Variants in PTPRD observed in about 807,000 individuals in gnomAD.
The protein encoded by PTPRD is protein tyrosine phosphatase receptor type D.
Under a neutral mutation model 214.5 loss-of-function variants are expected in PTPRD, and 34 were observed. That is an observed-to-expected ratio of 0.16 (90% confidence interval 0.12 to 0.21). The LOEUF is 0.21. Ranked by LOEUF, PTPRD falls within the 10% of genes least tolerant of loss-of-function variation. The pLI is 1.00. For missense variants in PTPRD, 2,545 were observed against 2,398.7 expected, an observed-to-expected ratio of 1.06 and a Z score of -1.27; for synonymous variants, 1,128 against 845.7, an observed-to-expected ratio of 1.33 and a Z score of -5.79.
At chr9:9,972,323 A>C (rs557142944) in intron 4 of PTPRD, among the ~76,000 whole-genome samples, 2 of 152,100 alleles carry the variant, frequency 1.3e-5, no homozygotes, top group Non-Finnish European at 2.9e-5. Flanking sequence ...TGCTCTTCTC[A>C]AGAGGAATCA....
chr9:9,971,531 G>T (rs1026088237), intron 4 of PTPRD, among the ~76,000 whole-genome samples: 2 of 152,156 alleles, frequency 1.3e-5, no homozygotes, highest in African/African-American at 4.8e-5. Flanking sequence ...CAACTCTGAG[G>T]AATTCAGGCT....
intron 10 of PTPRD, among the ~76,000 whole-genome samples, chr9:9,177,730 C>G (rs922972693): frequency 6.6e-6 from 1 of 151,944 alleles, no homozygotes; most frequent in Non-Finnish European, 1.5e-5. Flanking sequence ...GTAAACAAAT[C>G]AATTTAAAAA....
intron 8 of PTPRD, among the ~76,000 whole-genome samples, chr9:9,404,385 G>T (rs2072331202): frequency 6.6e-6 from 1 of 152,094 alleles, no homozygotes; most frequent in Non-Finnish European, 1.5e-5. Context: ...GAAAACTGGA[G>T]AGATTGGTAT....
In PTPRD at chr9:8,333,783, A is replaced by G. The variant is rs144133662; in HGVS notation, c.5380-2047T>C. Among the ~76,000 whole-genome samples the G allele has an allele frequency of 3.5e-3, 532 of 151,988 alleles. 4 individuals are homozygous for G. Among genetic ancestry groups the G allele is most frequent in the African/African-American group, 0.012 (496 of 41,520 alleles). Reference sequence around the variant, plus strand: ...CCAATTGGATAAAGAGTAAAGACCCATCTCACACGCAGAGATACACATAGG... The same window carrying G: ...CCAATTGGATAAAGAGTAAAGACCCGTCTCACACGCAGAGATACACATAGG... On this transcript the variant is annotated intron_variant, in intron 43 of 45. Coordinates refer to ENST00000381196, the MANE Select transcript of PTPRD (RefSeq NM_002839.4).
At chr9:9,901,813 T>A (rs7866138) in intron 5 of PTPRD, among the ~76,000 whole-genome samples, 1 of 151,960 alleles carries the variant, frequency 6.6e-6, no homozygotes, top group African/African-American at 2.4e-5. Flanking sequence ...AGAAGGCAAA[T>A]GGCAAGCAAG....
At chr9:9,985,621 T>C (rs1329678086) in intron 4 of PTPRD, among the ~76,000 whole-genome samples, 1 of 152,104 alleles carries the variant, frequency 6.6e-6, no homozygotes, top group Non-Finnish European at 1.5e-5. Flanking sequence ...CTTTAAATAC[T>C]TATTGTATTG....
At chr9:8,813,914 G>A (rs76018569) in intron 11 of PTPRD, among the ~76,000 whole-genome samples, 2,634 of 152,232 alleles carry the variant, frequency 0.017, 33 homozygotes, top group Non-Finnish European at 0.026. Flanking sequence ...TCCCCTCTCC[G>A]AGTCTGAGTT....
intron 2 of PTPRD, among the ~76,000 whole-genome samples, chr9:10,419,409 C>T (rs1366791049): frequency 1.3e-5 from 2 of 151,658 alleles, no homozygotes; most frequent in Admixed American, 6.6e-5. Flanking sequence ...TTCTTTTTAC[C>T]TAAAACTCTA....
At chr9:9,583,320 A>G (rs1191056589) in intron 7 of PTPRD, among the ~76,000 whole-genome samples, 1 of 152,064 alleles carries the variant, frequency 6.6e-6, no homozygotes, top group Non-Finnish European at 1.5e-5. Flanking sequence ...TTTGACTCTT[A>G]GGCATTACTA....
At position 8,485,883 on chromosome 9, in the gene PTPRD, A is replaced by C. The variant is rs372234003; in HGVS notation, c.2934T>G (p.Thr978=). Residue 978 remains threonine, a synonymous_variant, in exon 28 of 46, where the codon ACT becomes ACG. Coordinates refer to ENST00000381196, the MANE Select transcript of PTPRD (RefSeq NM_002839.4). ...MEQLIVPADT[T]MTLTGLKPDT... ...CTGGTTTTAAGCCAGTGAGTGTCATAGTGGTGTCAGCTGGAACAATAAGCT... is the reference window on the plus strand; with the variant it reads ...CTGGTTTTAAGCCAGTGAGTGTCATCGTGGTGTCAGCTGGAACAATAAGCT... The C allele has an allele frequency of 6.2e-7, 1 of 1,614,168 alleles. No individual in the cohort carries two copies. The highest frequency in any genetic ancestry group is 1.3e-5 in the African/African-American group (1 of 75,056).
chr9:10,440,998 A>T (rs1464008982), intron 2 of PTPRD, among the ~76,000 whole-genome samples: 1 of 151,760 alleles, frequency 6.6e-6, no homozygotes, highest in African/African-American at 2.4e-5. Context: ...CTTCAAAGAA[A>T]TAGCAAAAAT....
intron 5 of PTPRD, among the ~76,000 whole-genome samples, chr9:9,767,166 T>G (rs1431394685): frequency 6.6e-6 from 1 of 151,980 alleles, no homozygotes; most frequent in East Asian, 1.9e-4. Context: ...GATATCAATT[T>G]TATGCAAAAA....
intron 11 of PTPRD, among the ~76,000 whole-genome samples, chr9:8,865,630 G>A (rs80038065): frequency 3.5e-3 from 525 of 151,964 alleles, no homozygotes; most frequent in Middle Eastern, 0.01. Flanking sequence ...AATTGTGAGC[G>A]TCTTCACACT....
intron 11 of PTPRD, among the ~76,000 whole-genome samples, chr9:8,783,711 G>A (rs1479237551): frequency 6.6e-6 from 1 of 152,140 alleles, no homozygotes; most frequent in Non-Finnish European, 1.5e-5. Context: ...AAACGGCTCA[G>A]TTCCGTTTCA....
chr9:8,817,691 T>C (rs999199250), intron 11 of PTPRD, among the ~76,000 whole-genome samples: 2 of 152,186 alleles, frequency 1.3e-5, no homozygotes, highest in East Asian at 3.8e-4. Context: ...ATCAATTTCA[T>C]AGAATGGTAA....
chr9:8,925,877 T>TTA (rs1555530702), intron 11 of PTPRD, among the ~76,000 whole-genome samples: 71 of 149,704 alleles, frequency 4.7e-4, no homozygotes, highest in African/African-American at 1.7e-3. Flanking sequence ...TTTTTTTTTT[T>TTA]ACTGATCTCT....
intron 11 of PTPRD, among the ~76,000 whole-genome samples, chr9:9,012,722 T>C (rs982489009): frequency 6.3e-4 from 96 of 152,176 alleles, no homozygotes; most frequent in Admixed American, 6.2e-3. Flanking sequence ...GCCATATGTA[T>C]GTATTTTTGC....
At chr9:9,850,455 A>C (rs2060336806) in intron 5 of PTPRD, among the ~76,000 whole-genome samples, 1 of 152,168 alleles carries the variant, frequency 6.6e-6, no homozygotes, top group Admixed American at 6.6e-5. Context: ...GAGCTTAAGC[A>C]ACATTTTCTG....
rs1351798012 is a variant in PTPRD at position 8,940,285 on chromosome 9, T to TTTTTG, written c.-104+78411_-104+78412insCAAAA. ...CATCTCTCTCTCTCTCTCTCCTTTT[T>TTTTTG]TTTTTTTTTTTTTTTGAGATGGAGT... On this transcript the variant is annotated intron_variant, in intron 11 of 45. Coordinates refer to ENST00000381196, the MANE Select transcript of PTPRD (RefSeq NM_002839.4). Among the ~76,000 whole-genome samples, 13 of 123,158 alleles carry TTTTTG rather than the reference T, an allele frequency of 1.1e-4. 1 individual carries two copies. The highest frequency in any genetic ancestry group is 3.6e-4 in the African/African-American group (12 of 33,400). The allele number at this position is 123,158 out of a possible 152,430, so 80.8% of individuals were successfully genotyped here. A position where few individuals can be genotyped will look rare whatever the true frequency, so the allele number is the denominator to read the frequency against.
Sources: gnomAD v4.1 joint callset for allele counts (sites outside exome capture counted in the v4.1 genomes callset) on GRCh38, gnomAD v4.1.1 for gene constraint, MANE v1.5 for transcripts, NCBI Gene and HGNC (gene_info 2026-07-23, HGNC 2026-07-21) for gene names.